Variants in CNOT11 observed in about 807,000 individuals in gnomAD.
CNOT11 encodes UPF0760 protein C2orf29.
Under a neutral mutation model 44.6 loss-of-function variants are expected in CNOT11, and 18 were observed. The ratio of observed to expected loss-of-function variants is 0.40; its 90% confidence interval spans 0.28 to 0.60. CNOT11 has a LOEUF of 0.60. Ranked by LOEUF, CNOT11 falls within the 20% of genes least tolerant of loss-of-function variation. CNOT11 has a pLI of 0.38. For synonymous variants in CNOT11, 291 were observed against 270.9 expected, an observed-to-expected ratio of 1.07 and a Z score of -0.73; for missense variants, 513 against 677.0, an observed-to-expected ratio of 0.76 and a Z score of 2.69.
intron 2 of CNOT11, among the ~76,000 whole-genome samples, chr2:101,260,825 CTT>C (rs5832956): frequency 4.7e-5 from 7 of 147,792 alleles, no homozygotes; most frequent in Admixed American, 2.0e-4. Context: ...GCCAATTTAT[CTT>C]TTTTTTTTTT....
intron 2 of CNOT11, among the ~76,000 whole-genome samples, chr2:101,259,991 A>G (rs967659935): frequency 2.0e-5 from 3 of 152,166 alleles, no homozygotes; most frequent in Admixed American, 6.5e-5. Context: ...CAACGCTACA[A>G]TAAGCCATGA....
intron 5 of CNOT11, 147 bp downstream of exon 5, chr2:101,267,026 G>A: frequency 1.6e-6 from 1 of 610,834 alleles, no homozygotes; most frequent in Non-Finnish European, 2.9e-6. Flanking sequence ...TTCACTACAT[G>A]TAAATTTAGC....
chr2:101,259,159 G>A (rs564498157), intron 2 of CNOT11, among the ~76,000 whole-genome samples: 6 of 152,224 alleles, frequency 3.9e-5, no homozygotes, highest in Admixed American at 3.9e-4. Context: ...AAAACCCAAC[G>A]TTCTCTTGGC....
intron 5 of CNOT11, 27 bp downstream of exon 5, chr2:101,266,906 G>A (rs1202757832): frequency 3.9e-6 from 6 of 1,553,336 alleles, no homozygotes; most frequent in Admixed American, 1.7e-5. Context: ...GATCAAATGT[G>A]TGGGGATAGA....
rs1681652443 is a variant in CNOT11 at position 101,252,958 on chromosome 2, G to C, written c.-7G>C. 1 of 1,463,000 alleles carries C rather than the reference G, an allele frequency of 6.8e-7. No individual in the cohort carries two copies. Among genetic ancestry groups the C allele is most frequent in the Non-Finnish European group, 9.0e-7 (1 of 1,116,324 alleles). The allele number at this position is 1,463,000 out of a possible 1,614,324, so 90.6% of individuals were successfully genotyped here. On this transcript the variant is annotated 5_prime_UTR_variant, in exon 1 of 7. Transcript: ENST00000289382. Reference sequence around the variant, plus strand: ...GGGCCGGGAAGAGGGGAAGGGGAGCGAGGTTGATGCCCGGCGGAGGGGCGA... The same window carrying C: ...GGGCCGGGAAGAGGGGAAGGGGAGCCAGGTTGATGCCCGGCGGAGGGGCGA...
At chr2:101,257,753 T>C in intron 1 of CNOT11, 38 bp from the exon 2 acceptor site, 1 of 1,551,002 alleles carries the variant, frequency 6.4e-7, no homozygotes, top group Non-Finnish European at 8.8e-7. Context: ...TTTTTAAAAG[T>C]AACCATTGGA....
At position 101,253,148 on chromosome 2, in the gene CNOT11, A is replaced by T. The variant is rs2104358969; in HGVS notation, c.184A>T (p.Ser62Cys). Residue 62 changes from serine to cysteine, a missense_variant, in exon 1 of 7, where the codon AGC becomes TGC. By Grantham distance (112) the Ser-to-Cys change is moderately radical. This residue lies in a region of CNOT11 where 259 missense variants were observed against 265.7 expected (regional missense o/e 0.97). Coordinates refer to ENST00000289382, the MANE Select transcript of CNOT11 (RefSeq NM_017546.5). This position sits in a 1 kb window ranked among gnomAD's most constrained non-coding sequence, Gnocchi z 4.3. ...GGPGGPAGRM[S>C]LTPKELSSLL... ...CCCGGGGGGCCCCGCGGGCAGGATG[A>T]GCTTGACCCCGAAGGAGCTCTCGAG... 2 of 1,577,174 alleles carry T rather than the reference A, an allele frequency of 1.3e-6. No homozygotes were observed. Among genetic ancestry groups the T allele is most frequent in the Non-Finnish European group, 1.7e-6 (2 of 1,165,682 alleles).
Position 101,262,653 on chromosome 2 carries a change from CAGA to C in CNOT11, c.797_799del (p.Glu266del). Reference sequence around the variant, plus strand: ...GACAGCTCAGTTGCCTCTCAGATCACAGAAGCTTTAGTCAGCGGACCAAAGCCA... The same window carrying C: ...GACAGCTCAGTTGCCTCTCAGATCACAGCTTTAGTCAGCGGACCAAAGCCA... On this transcript the variant is annotated inframe_deletion, in exon 3 of 7. Coordinates refer to ENST00000289382, the MANE Select transcript of CNOT11 (RefSeq NM_017546.5). 1 of 1,614,172 alleles carries C rather than the reference CAGA, an allele frequency of 6.2e-7. No homozygotes were observed. Among genetic ancestry groups the C allele is most frequent in the Non-Finnish European group, 8.5e-7 (1 of 1,179,996 alleles).
At chr2:101,260,956 A>T (rs1056288524) in intron 2 of CNOT11, among the ~76,000 whole-genome samples, 4 of 152,122 alleles carry the variant, frequency 2.6e-5, no homozygotes, top group African/African-American at 9.7e-5. Context: ...GGATGAGAAA[A>T]GATGCTATAT....
chr2:101,265,144 A>T, intron 4 of CNOT11, 97 bp downstream of exon 4: 1 of 805,014 alleles, frequency 1.2e-6, no homozygotes, highest in Non-Finnish European at 1.8e-6. Flanking sequence ...TCGGCTGCCC[A>T]GGGTGGAGTG....
At chr2:101,259,472 G>A (rs1264637709) in intron 2 of CNOT11, among the ~76,000 whole-genome samples, 1 of 152,218 alleles carries the variant, frequency 6.6e-6, no homozygotes, top group Non-Finnish European at 1.5e-5. Flanking sequence ...GGCTCTCTGA[G>A]TTCTGAAGGA....
At chr2:101,261,513 C>T (rs978014339) in intron 2 of CNOT11, among the ~76,000 whole-genome samples, 6 of 152,010 alleles carry the variant, frequency 3.9e-5, no homozygotes, top group Non-Finnish European at 5.9e-5. Flanking sequence ...TATTCTGGGG[C>T]GCGTGTGAAA....
At chr2:101,262,164 A>T (rs1299993123) in intron 2 of CNOT11, among the ~76,000 whole-genome samples, 1 of 152,080 alleles carries the variant, frequency 6.6e-6, no homozygotes, top group African/African-American at 2.4e-5. Context: ...TTCTTTTTTT[A>T]AAACATTGAT....
chr2:101,253,403 G>T lies in CNOT11; in HGVS notation c.439G>T (p.Ala147Ser). The T allele has an allele frequency of 6.3e-7, 1 of 1,587,186 alleles. No individual in the cohort carries two copies. Among genetic ancestry groups the T allele is most frequent in the South Asian group, 1.1e-5 (1 of 89,506 alleles). ...TEPLAANPFA[A>S]SFAHLLNPAP... ...GCCGCTGGCCGCCAACCCCTTCGCC[G>T]CCAGCTTCGCGCACCTGCTCAACCC... is the stretch of plus-strand genomic sequence containing the variant. Residue 147 changes from alanine to serine, a missense_variant, in exon 1 of 7, where the codon GCC (alanine) becomes TCC (serine). By Grantham distance (99) the Ala-to-Ser change is moderately conservative. Transcript: ENST00000289382. The surrounding 1 kb of genome is among the most constrained non-coding windows in gnomAD (Gnocchi z 4.3).
intron 4 of CNOT11, among the ~76,000 whole-genome samples, chr2:101,266,420 CCCAGGAATAGGAATCA>C (rs1321153318): frequency 6.6e-6 from 1 of 151,928 alleles, no homozygotes; most frequent in East Asian, 1.9e-4. Context: ...TGGTTTGATG[CCCAGGAATAGGAATCA>C]CTAGCATATT....
intron 3 of CNOT11, among the ~76,000 whole-genome samples, chr2:101,263,425 C>CT (rs1326863756): frequency 4.6e-5 from 7 of 152,040 alleles, no homozygotes; most frequent in African/African-American, 1.4e-4. Flanking sequence ...TTGGGGATTT[C>CT]TTTAAGAGAT....
rs1419926459 is a variant in CNOT11 at position 101,270,055 on chromosome 2, C to T, written c.*642C>T. On this transcript the variant is annotated 3_prime_UTR_variant, in exon 7 of 7. Coordinates refer to ENST00000289382, the MANE Select transcript of CNOT11 (RefSeq NM_017546.5). Reference sequence around the variant, plus strand: ...ATTCTTAGAAAGCTGCTTCTATTACCAGGCTGTAATAGCTGGTATAGTTTT... The same window carrying T: ...ATTCTTAGAAAGCTGCTTCTATTACTAGGCTGTAATAGCTGGTATAGTTTT... 1 of 152,402 alleles carries T rather than the reference C, an allele frequency of 6.6e-6. No individual in the cohort carries two copies. The highest frequency in any genetic ancestry group is 2.4e-5 in the African/African-American group (1 of 41,390). The allele number at this position is 152,402 out of a possible 1,614,324, so 9.4% of individuals were successfully genotyped here.
Position 101,257,930 on chromosome 2 carries a change from T to A in CNOT11, c.654T>A (p.Ile218=), listed in dbSNP as rs371322291. 2 of 1,613,574 alleles carry A rather than the reference T, an allele frequency of 1.2e-6. No individual in the cohort carries two copies. The highest frequency in any genetic ancestry group is 2.7e-5 in the African/African-American group (2 of 74,922). The part of the protein sequence containing the change: ...DVGNMGQSVD[I]SGLQLALAER... ...GAAACATGGGCCAGTCTGTGGACAT[T>A]AGTGGGCTTCAGTTAGCCTTGGCCG... The change falls in exon 2 of 7, where the codon ATT becomes ATA. Residue 218 remains isoleucine, a synonymous_variant. Coordinates refer to ENST00000289382, the MANE Select transcript of CNOT11 (RefSeq NM_017546.5).
chr2:101,257,374 CAA>C (rs1185555675), intron 1 of CNOT11, among the ~76,000 whole-genome samples: 1 of 137,760 alleles, frequency 7.3e-6, no homozygotes, highest in Non-Finnish European at 1.5e-5. Context: ...GCCTGGGAGA[CAA>C]GAGTGAGACT....
Sources: allele counts gnomAD v4.1 joint callset (sites outside exome capture counted in the v4.1 genomes callset), GRCh38; gene constraint gnomAD v4.1.1; regional missense constraint gnomAD v4.1.1; non-coding constraint Gnocchi (gnomAD v3.1); transcripts MANE v1.5; gene names NCBI Gene and HGNC (gene_info 2026-07-23, HGNC 2026-07-21).